Variants in GRM6 observed in about 807,000 individuals in gnomAD.
GRM6 encodes the protein glutamate metabotropic receptor 6.
A neutral mutation model predicts 78.4 loss-of-function variants in GRM6; 73 were observed. The observed-to-expected ratio is 0.93, with a 90% CI of 0.77 to 1.13. The LOEUF (loss-of-function observed/expected upper bound fraction) is 1.13, where lower values mean the gene tolerates loss of function less well. GRM6 is among the 50% of genes most tolerant of loss of function. The pLI is 0.00. For synonymous variants in GRM6, 580 were observed against 555.0 expected (o/e 1.05, Z -0.63); for missense variants, 1,251 against 1,256.4 (o/e 1.00, Z 0.07).
At chr5:178,985,802 C>A in intron 9 of GRM6, 1 of 518,958 alleles carries the variant, frequency 1.9e-6, no homozygotes, top group Non-Finnish European at 3.6e-6. Context: ...TACTCTGACA[C>A]CCAAGCTGGA....
chr5:178,994,440 C>G lies in GRM6; in HGVS notation c.504+1G>C. On this transcript the variant is annotated splice_donor_variant, in intron 2 of 10. Coordinates refer to ENST00000517717, the MANE Select transcript of GRM6 (RefSeq NM_000843.4). LOFTEE classifies it high-confidence loss of function. ...ACCGAGCCCGGCCCCGCGGCCCTCA[C>G]CGCAAACAGGCGCAGCACGTTGGCG... 6.7e-7 allele frequency: 1 copy of G among 1,492,264 alleles called. No homozygotes were observed. The highest frequency in any genetic ancestry group is 8.9e-7 in the Non-Finnish European group (1 of 1,126,978). 92.4% of individuals were successfully genotyped at this position (1,492,264 alleles called of 1,614,324 possible).
intron 9 of GRM6, chr5:178,983,701 G>T: frequency 2.8e-6 from 1 of 356,530 alleles, no homozygotes; most frequent in Non-Finnish European, 5.6e-6. Flanking sequence ...GCACTCAGTG[G>T]GGAGGAGCAG....
At position 178,994,553 on chromosome 5, in the gene GRM6, G is replaced by A; in HGVS notation, c.392C>T (p.Pro131Leu). 1 of 1,351,886 alleles carries A rather than the reference G, an allele frequency of 7.4e-7. No individual in the cohort carries two copies. Among genetic ancestry groups the A allele is most frequent in the Non-Finnish European group, 9.4e-7 (1 of 1,058,396 alleles). The allele number at this position is 1,351,886 out of a possible 1,614,324, so 83.7% of individuals were successfully genotyped here. Reference sequence around the variant, plus strand: ...GGGGCGCAGCGGAGGGACGCCTCCCGGGCAGCGCACGCCCACCTCGTCGCC... The same window carrying A: ...GGGGCGCAGCGGAGGGACGCCTCCCAGGCAGCGCACGCCCACCTCGTCGCC... ...GDGDEVGVRC[P>L]GGVPPLRPAP... Residue 131 changes from proline to leucine, a missense_variant, in exon 2 of 11, where the codon CCG (proline) becomes CTG (leucine). Coordinates refer to ENST00000517717, the MANE Select transcript of GRM6 (RefSeq NM_000843.4).
At position 178,991,328 on chromosome 5, in the gene GRM6, G is replaced by A. The variant is rs1760667464; in HGVS notation, c.857+96C>T. 2 of 1,192,056 alleles carry A rather than the reference G, an allele frequency of 1.7e-6. No homozygotes were observed. Among genetic ancestry groups the A allele is most frequent in the South Asian group, 2.4e-5 (2 of 82,546 alleles). 73.8% of individuals were successfully genotyped at this position (1,192,056 alleles called of 1,614,324 possible). A position where few individuals can be genotyped will look rare whatever the true frequency, so the allele number is the denominator to read the frequency against. ...GGGGGTGCGGGGAGCAGGGGAAAGG[G>A]AGGCAGGGAGAGTGTGTAAGGTGGC... On this transcript the variant is annotated intron_variant, in intron 4 of 10. Coordinates refer to ENST00000517717, the MANE Select transcript of GRM6 (RefSeq NM_000843.4). The surrounding 1 kb of genome is among the most constrained non-coding windows in gnomAD (Gnocchi z 5.0).
intron 9 of GRM6, among the ~76,000 whole-genome samples, chr5:178,984,443 G>A (rs115167396): frequency 2.6e-3 from 389 of 152,342 alleles, no homozygotes; most frequent in African/African-American, 8.5e-3. Flanking sequence ...TTTGCAGCCC[G>A]TCATGACGTG....
chr5:178,982,230 T>C (rs906565024), intron 10 of GRM6, among the ~76,000 whole-genome samples: 1 of 152,172 alleles, frequency 6.6e-6, no homozygotes, highest in Non-Finnish European at 1.5e-5. Context: ...TTCTGCCGCA[T>C]ACGTGAATAA....
chr5:178,981,295 T>G lies in GRM6; in HGVS notation c.*362A>C. The G allele has an allele frequency of 3.7e-6, 1 of 267,042 alleles. No individual in the cohort carries two copies. The highest frequency in any genetic ancestry group is 5.0e-5 in the South Asian group (1 of 20,168). The allele number at this position is 267,042 out of a possible 1,614,324, so 16.5% of individuals were successfully genotyped here. On this transcript the variant is annotated 3_prime_UTR_variant, in exon 11 of 11. Transcript: ENST00000517717. This position sits in a 1 kb window ranked among gnomAD's most constrained non-coding sequence, Gnocchi z 5.1. ...CTGCCCAATCCCCAGGTTATGGGGG[T>G]TGACTGAGGGGAGGAAATCTCCCGC...
Position 178,990,609 on chromosome 5 carries a change from T to G in GRM6, c.995A>C (p.Lys332Thr). ...VAVGAITILPKRASIDGFDQY... is the reference protein window; with the variant it reads ...VAVGAITILPTRASIDGFDQY... ...GGACTCACCGTCGATGGAGGCCCTT[T>G]TGGGCAGGATGGTGATGGCCCCAAC... The change falls in exon 5 of 11, where the codon AAA becomes ACA. Residue 332 changes from lysine (K) to threonine (T), a missense_variant. Lys to Thr is a moderately conservative substitution (Grantham distance 78, BLOSUM62 -1). Coordinates refer to ENST00000517717, the MANE Select transcript of GRM6 (RefSeq NM_000843.4). 6.2e-7 allele frequency: 1 copy of G among 1,613,170 alleles called. No homozygotes were observed. The highest frequency in any genetic ancestry group is 8.5e-7 in the Non-Finnish European group (1 of 1,179,834).
rs557180793 is a variant in GRM6 at position 178,989,122 on chromosome 5, G to A, written c.1167C>T (p.Ile389=). ...CCTGCTCGTAGGTGGAGTCCCGGCC[G>A]ATGCGTTCCTCGCCTGTCCTAGGGA... The part of the protein sequence containing the change: ...STRKCTGEER[I]GRDSTYEQEG... Residue 389 remains isoleucine (I), a synonymous_variant, in exon 7 of 11, where the codon ATC becomes ATT. Coordinates refer to ENST00000517717, the MANE Select transcript of GRM6 (RefSeq NM_000843.4). 2.2e-5 allele frequency: 36 copies of A among 1,613,938 alleles called. No homozygotes were observed. Among genetic ancestry groups the A allele is most frequent in the South Asian group, 2.2e-4 (20 of 91,048 alleles).
rs531500567 is a variant in GRM6 at position 178,987,149 on chromosome 5, A to G, written c.1355-166T>C. Reference sequence around the variant, plus strand: ...GGGAGATCCCCCTTCACCCATTGGGATGGCTTCTAGCCAAGAACCAGAAAA... The same window carrying G: ...GGGAGATCCCCCTTCACCCATTGGGGTGGCTTCTAGCCAAGAACCAGAAAA... On this transcript the variant is annotated intron_variant, in intron 7 of 10. Transcript: ENST00000517717. The G allele has an allele frequency of 8.2e-5, 62 of 752,544 alleles. No homozygotes were observed. In the Admixed American group the frequency reaches 1.1e-3, roughly 14 times the overall value. 46.6% of individuals were successfully genotyped at this position (752,544 alleles called of 1,614,324 possible).
chr5:178,991,070 G>C lies in GRM6; in HGVS notation c.858-324C>G, dbSNP rs545773600. Among the ~76,000 whole-genome samples the C allele has an allele frequency of 1.7e-3, 255 of 152,172 alleles. 1 individual carries two copies. The highest frequency in any genetic ancestry group is 2.9e-3 in the Non-Finnish European group (196 of 67,990). Reference sequence around the variant, plus strand: ...AGCCTCCTAGGCTGGAGATGAACTCGGGCCGGTGGGTCTCGGGCTGGGGTC... The same window carrying C: ...AGCCTCCTAGGCTGGAGATGAACTCCGGCCGGTGGGTCTCGGGCTGGGGTC... On this transcript the variant is annotated intron_variant, in intron 4 of 10. Transcript: ENST00000517717. This position sits in a 1 kb window ranked among gnomAD's most constrained non-coding sequence, Gnocchi z 5.0.
chr5:178,993,738 T>A (rs577560981), intron 2 of GRM6, among the ~76,000 whole-genome samples: 50 of 152,202 alleles, frequency 3.3e-4, no homozygotes, highest in African/African-American at 1.1e-3. Context: ...CCGATTCTGC[T>A]GGCCCCTAGG....
At position 178,990,698 on chromosome 5, in the gene GRM6, C is replaced by G. The variant is rs772750551; in HGVS notation, c.906G>C (p.Leu302=). 1 of 1,595,704 alleles carries G rather than the reference C, an allele frequency of 6.3e-7. No individual in the cohort carries two copies. Among genetic ancestry groups the G allele is most frequent in the Admixed American group, 1.7e-5 (1 of 57,720 alleles). The change falls in exon 5 of 11, where the codon CTG becomes CTC. Residue 302 remains leucine, a synonymous_variant. Transcript: ENST00000517717. ...ARQANLTGHF[L]WVGSDSWGAK... is the part of the protein sequence containing the mutation. ...CTCCCCAGCTGTCTGAGCCGACCCACAGGAAGTGGCCGGTCAGGTTGGCCT... is the reference window on the plus strand; with the variant it reads ...CTCCCCAGCTGTCTGAGCCGACCCAGAGGAAGTGGCCGGTCAGGTTGGCCT...
chr5:178,982,867 CAGGCAGGAAACAGG>C, intron 10 of GRM6, 29 bp downstream of exon 10: 1 of 1,392,020 alleles, frequency 7.2e-7, no homozygotes, highest in Non-Finnish European at 1.0e-6. Context: ...ACCAGCCTGA[CAGGCAGGAAACAGG>C]CAGCGAGACC....
chr5:178,985,708 A>AAAAT (rs1554113569), intron 9 of GRM6: 1 of 416,320 alleles, frequency 2.4e-6, no homozygotes, highest in Non-Finnish European at 4.7e-6. Flanking sequence ...GTCTAAAAAA[A>AAAAT]AAAAAACAAA....
Position 178,981,323 on chromosome 5 carries a change from A to G in GRM6, c.*334T>C. ...ACTGAGGGGAGGAAATCTCCCGCAA[A>G]CCAGGCAAAGCCCAGGGCTTCATCA... On this transcript the variant is annotated 3_prime_UTR_variant, in exon 11 of 11. Coordinates refer to ENST00000517717, the MANE Select transcript of GRM6 (RefSeq NM_000843.4). This position sits in a 1 kb window ranked among gnomAD's most constrained non-coding sequence, Gnocchi z 5.1. 3.4e-6 allele frequency: 1 copy of G among 291,332 alleles called. No homozygotes were observed. The highest frequency in any genetic ancestry group is 6.5e-6 in the Non-Finnish European group (1 of 152,880). The allele number at this position is 291,332 out of a possible 1,614,324, so 18.0% of individuals were successfully genotyped here.
chr5:178,986,763 A>C lies in GRM6; in HGVS notation c.1501-10T>G. 1 of 1,609,556 alleles carries C rather than the reference A, an allele frequency of 6.2e-7. No individual in the cohort carries two copies. ...ACTGCAGGGCCTCCACCTGGGACGC[A>C]CAAAACACAGGCTGGGGCGTCTGCC... On this transcript the variant is annotated splice_polypyrimidine_tract_variant and intron_variant, in intron 8 of 10. Coordinates refer to ENST00000517717, the MANE Select transcript of GRM6 (RefSeq NM_000843.4).
chr5:178,991,280 C>A lies in GRM6; in HGVS notation c.857+144G>T. On this transcript the variant is annotated intron_variant, in intron 4 of 10. Coordinates refer to ENST00000517717, the MANE Select transcript of GRM6 (RefSeq NM_000843.4). This position sits in a 1 kb window ranked among gnomAD's most constrained non-coding sequence, Gnocchi z 5.0. The stretch of plus-strand genomic sequence containing the variant: ...TGCTTCTGAGCCTGGGCACCAGACT[C>A]AGAGGCAGCAGCAGGGAAGGTGGGG... The A allele has an allele frequency of 1.2e-6, 1 of 856,540 alleles. No individual in the cohort carries two copies. Among genetic ancestry groups the A allele is most frequent in the Non-Finnish European group, 2.0e-6 (1 of 506,920 alleles). 53.1% of individuals were successfully genotyped at this position (856,540 alleles called of 1,614,324 possible).
Position 178,994,654 on chromosome 5 carries a change from G to A in GRM6, c.291C>T (p.Asp97=). The change falls in exon 2 of 11, where the codon GAC becomes GAT. Residue 97 remains aspartate (D), a synonymous_variant. Transcript: ENST00000517717. ...PGVRLGARLL[D]TCSRDTYALE... ...GCGCGTAGGTGTCCCGCGAGCAGGTGTCCAGCAGCCGCGCGCCCAGGCGCA... is the reference window on the plus strand; with the variant it reads ...GCGCGTAGGTGTCCCGCGAGCAGGTATCCAGCAGCCGCGCGCCCAGGCGCA... 1 of 1,466,252 alleles carries A rather than the reference G, an allele frequency of 6.8e-7. No homozygotes were observed. The highest frequency in any genetic ancestry group is 9.0e-7 in the Non-Finnish European group (1 of 1,111,928). The allele number at this position is 1,466,252 out of a possible 1,614,324, so 90.8% of individuals were successfully genotyped here.
Sources: allele counts gnomAD v4.1 joint callset (sites outside exome capture counted in the v4.1 genomes callset), GRCh38; gene constraint gnomAD v4.1.1; non-coding constraint Gnocchi (gnomAD v3.1); transcripts MANE v1.5; gene names NCBI Gene and HGNC (gene_info 2026-07-23, HGNC 2026-07-21).